The following THOC1 variants were observed in gnomAD, a reference collection of about 807,000 sequenced individuals.
THOC1 encodes THO complex subunit 1.
A neutral mutation model predicts 97.3 loss-of-function variants in THOC1; 29 were observed. The observed-to-expected ratio is 0.30, with a 90% CI of 0.22 to 0.41. The LOEUF is 0.41. Among genes scored for constraint, THOC1 ranks in the 10% least tolerant of loss-of-function variants. The pLI is 1.00. For synonymous variants in THOC1, 255 were observed against 257.0 expected (o/e 0.99, Z 0.07); for missense variants, 529 against 761.9 (o/e 0.69, Z 3.60).
rs1912738941 is a variant in THOC1 at position 265,513 on chromosome 18, G to A, written c.72C>T (p.Ala24=). Reference sequence around the variant, plus strand: ...ATGGCTTGATGTTTTTGTTGTTCAAGGCCTCTCTGGTAGACTTCTAAAAAA... The same window carrying A: ...ATGGCTTGATGTTTTTGTTGTTCAAAGCCTCTCTGGTAGACTTCTAAAAAA... ...RTRFTKSTRE[A]LNNKNIKPLL... Residue 24 remains alanine (A), a synonymous_variant, in exon 2 of 21, where the codon GCC becomes GCT. Coordinates refer to ENST00000261600, the MANE Select transcript of THOC1 (RefSeq NM_005131.3). The A allele has an allele frequency of 1.9e-6, 3 of 1,589,312 alleles. No individual in the cohort carries two copies. Among genetic ancestry groups the A allele is most frequent in the African/African-American group, 1.3e-5 (1 of 74,326 alleles).
intron 7 of THOC1, among the ~76,000 whole-genome samples, chr18:255,305 C>A (rs545063015): frequency 1.3e-5 from 2 of 152,308 alleles, no homozygotes; most frequent in African/African-American, 4.8e-5. Flanking sequence ...AGTTCTCTTG[C>A]GCTTAACAGT....
chr18:237,922 A>G (rs1256782133), intron 11 of THOC1, among the ~76,000 whole-genome samples: 1 of 152,078 alleles, frequency 6.6e-6, no homozygotes, highest in Non-Finnish European at 1.5e-5. Context: ...GCTAGAGTGC[A>G]GCGGTGCAAT....
chr18:222,532 C>T (rs1340160333), intron 17 of THOC1, among the ~76,000 whole-genome samples: 4 of 152,120 alleles, frequency 2.6e-5, no homozygotes, highest in Non-Finnish European at 5.9e-5. Flanking sequence ...GGTTTAACAG[C>T]AGTCTGGACA....
At chr18:220,126 A>G (rs1028931016) in intron 17 of THOC1, among the ~76,000 whole-genome samples, 2 of 152,214 alleles carry the variant, frequency 1.3e-5, no homozygotes, top group African/African-American at 2.4e-5. Context: ...CAAGTTATCC[A>G]TGTCCTACAC....
chr18:235,653 C>T (rs1156692302), intron 11 of THOC1, among the ~76,000 whole-genome samples: 1 of 151,936 alleles, frequency 6.6e-6, no homozygotes, highest in Non-Finnish European at 1.5e-5. Context: ...TTAAGCTATC[C>T]TTTTTGCAGC....
intron 9 of THOC1, among the ~76,000 whole-genome samples, chr18:251,497 G>C (rs1244725777): frequency 6.6e-6 from 1 of 152,052 alleles, no homozygotes; most frequent in Non-Finnish European, 1.5e-5. Flanking sequence ...CCAGCACTAG[G>C]AAGAAATTAT....
chr18:263,766 A>G (rs1368287589), intron 4 of THOC1: 1 of 375,784 alleles, frequency 2.7e-6, no homozygotes, highest in African/African-American at 2.1e-5. Flanking sequence ...CCAGGCACAT[A>G]GTAGATGCTC....
At chr18:222,820 G>A (rs1163223363) in intron 17 of THOC1, among the ~76,000 whole-genome samples, 1 of 152,108 alleles carries the variant, frequency 6.6e-6, no homozygotes, top group Non-Finnish European at 1.5e-5. Flanking sequence ...CATGTACAGA[G>A]ATATGGATTT....
chr18:220,730 G>A (rs554856741), intron 17 of THOC1, among the ~76,000 whole-genome samples: 2 of 152,214 alleles, frequency 1.3e-5, no homozygotes, highest in South Asian at 4.1e-4. Context: ...CTACTGGGTT[G>A]ATTCACTCTC....
At chr18:246,226 A>G (rs896278395) in intron 11 of THOC1, 98 bp downstream of exon 11, 2 of 978,478 alleles carry the variant, frequency 2.0e-6, no homozygotes, top group Non-Finnish European at 3.0e-6. Context: ...TAAAATAAGA[A>G]ACATTTCTAT....
chr18:216,895 T>G (rs1313449698), intron 18 of THOC1, among the ~76,000 whole-genome samples: 1 of 152,242 alleles, frequency 6.6e-6, no homozygotes, highest in African/African-American at 2.4e-5. Flanking sequence ...TTTCAAAGTT[T>G]CCGTTCATTT....
In THOC1 at chr18:216,612, A is replaced by G; in HGVS notation, c.1476T>C (p.Tyr492=). 6.2e-7 allele frequency: 1 copy of G among 1,613,866 alleles called. No individual in the cohort carries two copies. The highest frequency in any genetic ancestry group is 8.5e-7 in the Non-Finnish European group (1 of 1,179,840). Residue 492 remains tyrosine, a synonymous_variant, in exon 19 of 21, where the codon TAT becomes TAC. Coordinates refer to ENST00000261600, the MANE Select transcript of THOC1 (RefSeq NM_005131.3). ...NEYKAVNNSN[Y]GWRALRLLAR... ...CTAATAGTCTCAGGGCTCTCCAACCATAATTTGAATTGTTCACAGCCCTAT... is the reference window on the plus strand; with the variant it reads ...CTAATAGTCTCAGGGCTCTCCAACCGTAATTTGAATTGTTCACAGCCCTAT...
intron 4 of THOC1, among the ~76,000 whole-genome samples, chr18:263,122 C>A (rs1183362416): frequency 1.3e-5 from 2 of 152,064 alleles, no homozygotes; most frequent in Non-Finnish European, 2.9e-5. Context: ...GCTCTGTTGC[C>A]CAGGCTGGAG....
intron 11 of THOC1, chr18:244,824 A>G (rs1169158531): frequency 1.3e-5 from 2 of 151,932 alleles, no homozygotes; most frequent in Admixed American, 1.3e-4. Flanking sequence ...GAAATTCCCA[A>G]TCTATTCACC....
chr18:214,878 T>C lies in THOC1; in HGVS notation c.1722A>G (p.Ile574Met), dbSNP rs753651519. ...RRDKPVTGEQIEVFANKLGEQ... is the reference protein window; with the variant it reads ...RRDKPVTGEQMEVFANKLGEQ... ...CACCCAGCTTGTTGGCAAATACCTCTATTTGTTCTCCTGTTACAGGTTTGT... is the reference window on the plus strand; with the variant it reads ...CACCCAGCTTGTTGGCAAATACCTCCATTTGTTCTCCTGTTACAGGTTTGT... The change falls in exon 21 of 21, where the codon ATA becomes ATG. Residue 574 changes from isoleucine to methionine, a missense_variant. Around this residue, in one of 8 missense-constraint regions of THOC1, gnomAD observed 98 missense variants for 111.9 expected, o/e 0.88. Coordinates refer to ENST00000261600, the MANE Select transcript of THOC1 (RefSeq NM_005131.3). The C allele has an allele frequency of 6.2e-7, 1 of 1,613,986 alleles. No individual in the cohort carries two copies. Among genetic ancestry groups the C allele is most frequent in the Non-Finnish European group, 8.5e-7 (1 of 1,179,868 alleles).
Position 265,516 on chromosome 18 carries a change from C to T in THOC1, c.69G>A (p.Glu23=). 6.3e-7 allele frequency: 1 copy of T among 1,587,294 alleles called. No individual in the cohort carries two copies. Among genetic ancestry groups the T allele is most frequent in the Non-Finnish European group, 8.6e-7 (1 of 1,167,282 alleles). Residue 23 remains glutamate (E), a synonymous_variant, in exon 2 of 21, where the codon GAG becomes GAA. Coordinates refer to ENST00000261600, the MANE Select transcript of THOC1 (RefSeq NM_005131.3). ...GCTTGATGTTTTTGTTGTTCAAGGC[C>T]TCTCTGGTAGACTTCTAAAAAAAAA... ...ARTRFTKSTR[E]ALNNKNIKPL...
At chr18:225,655 T>C (rs939702984) in intron 12 of THOC1, 2 of 444,334 alleles carry the variant, frequency 4.5e-6, no homozygotes, top group South Asian at 3.8e-5. Flanking sequence ...AGATTCACTA[T>C]GAACAGAGCA....
At chr18:243,094 A>G (rs1911962464) in intron 11 of THOC1, among the ~76,000 whole-genome samples, 1 of 152,254 alleles carries the variant, frequency 6.6e-6, no homozygotes, top group Non-Finnish European at 1.5e-5. Flanking sequence ...GCAAAACATT[A>G]CATGCCTCAC....
At chr18:234,543 GT>G (rs879900233) in intron 11 of THOC1, among the ~76,000 whole-genome samples, 9 of 148,066 alleles carry the variant, frequency 6.1e-5, no homozygotes, top group East Asian at 2.0e-4. Flanking sequence ...TCTTTAATCT[GT>G]TTTTTTTTTG....
Sources: gnomAD v4.1 joint callset for allele counts (sites outside exome capture counted in the v4.1 genomes callset) on GRCh38, gnomAD v4.1.1 for gene constraint, gnomAD v4.1.1 regional missense constraint, MANE v1.5 for transcripts, NCBI Gene and HGNC (gene_info 2026-07-23, HGNC 2026-07-21) for gene names.